THSD7B: variants seen among roughly 807,000 people sequenced by gnomAD.
THSD7B encodes the protein thrombospondin type 1 domain containing 7B, also known as thrombospondin type-1 domain-containing protein 7B.
Under a neutral mutation model 213.6 loss-of-function variants are expected in THSD7B, and 138 were observed. The observed-to-expected ratio is 0.65, with a 90% CI of 0.56 to 0.74. The LOEUF (loss-of-function observed/expected upper bound fraction) is 0.74. THSD7B is among the 30% of genes least tolerant of loss of function. The pLI, the probability that THSD7B is intolerant of heterozygous loss-of-function variation, is 0.00. For synonymous variants in THSD7B, 742 were observed against 687.0 expected, an observed-to-expected ratio of 1.08 and a Z score of -1.25; for missense variants, 1,931 against 1,991.5, an observed-to-expected ratio of 0.97 and a Z score of 0.58.
intron 7 of THSD7B, among the ~76,000 whole-genome samples, chr2:137,177,087 G>T (rs750126630): frequency 6.6e-6 from 1 of 152,190 alleles, no homozygotes; most frequent in Non-Finnish European, 1.5e-5. Flanking sequence ...AAGCAGAAAT[G>T]ATATACTATC....
Position 137,620,720 on chromosome 2 carries a change from C to A in THSD7B, c.3793C>A (p.His1265Asn). 1 of 1,612,852 alleles carries A rather than the reference C, an allele frequency of 6.2e-7. No homozygotes were observed. The highest frequency in any genetic ancestry group is 1.7e-4 in the Middle Eastern group (1 of 6,056). Residue 1265 changes from histidine to asparagine, a missense_variant, in exon 20 of 28, where the codon CAT becomes AAT. His to Asn is a moderately conservative substitution (Grantham distance 68). Transcript: ENST00000409968. Reference protein sequence around the residue: ...AWTECSQTCGHGGRMSRTRFI... With the variant: ...AWTECSQTCGNGGRMSRTRFI... ...GACAGAGTGTTCACAGACCTGTGGC[C>A]ATGGAGGTATTGGTTTCCCCATATT... is the stretch of plus-strand genomic sequence containing the variant.
At chr2:136,908,669 C>T (rs922249026) in intron 2 of THSD7B, among the ~76,000 whole-genome samples, 4 of 152,054 alleles carry the variant, frequency 2.6e-5, no homozygotes, top group Admixed American at 6.6e-5. Context: ...GAAAGATGGA[C>T]GTGATTTTGA....
chr2:137,536,074 C>G (rs565778473), intron 15 of THSD7B, among the ~76,000 whole-genome samples: 1 of 149,672 alleles, frequency 6.7e-6, no homozygotes, highest in South Asian at 2.1e-4. Context: ...CAAAACACGG[C>G]AGGGCCCTCT....
chr2:137,063,906 A>G (rs1687327404), intron 3 of THSD7B, among the ~76,000 whole-genome samples: 1 of 151,900 alleles, frequency 6.6e-6, no homozygotes, highest in African/African-American at 2.4e-5. Context: ...CATTTTCTTT[A>G]TTCATTTGTT....
chr2:136,956,744 A>G (rs987814473), intron 2 of THSD7B, among the ~76,000 whole-genome samples: 1 of 151,656 alleles, frequency 6.6e-6, no homozygotes, highest in East Asian at 1.9e-4. Flanking sequence ...CAGTTGCACA[A>G]TCTCAGGTCA....
Position 137,609,204 on chromosome 2 carries a change from C to A in THSD7B, c.3424-6971C>A, listed in dbSNP as rs779760264. On this transcript the variant is annotated intron_variant, in intron 17 of 27. Coordinates refer to ENST00000409968, the MANE Select transcript of THSD7B (RefSeq NM_001316349.2). The stretch of plus-strand genomic sequence containing the variant: ...TCTATTGTCGAGTATCTCTAAAGCC[C>A]ATGAGCCTATTAGGGGAAAGATAAA... Among the ~76,000 whole-genome samples the A allele has an allele frequency of 8.5e-5, 13 of 152,144 alleles. No individual in the cohort carries two copies. In the East Asian group the frequency reaches 2.3e-3, roughly 27 times the overall value.
At chr2:137,257,763 G>C (rs952057080) in intron 10 of THSD7B, among the ~76,000 whole-genome samples, 1 of 152,112 alleles carries the variant, frequency 6.6e-6, no homozygotes, top group Admixed American at 6.6e-5. Context: ...TATTTTATTG[G>C]ATTGCATTTC....
rs562002442 is a variant in THSD7B, at chr2:137,195,028, G to A, written c.1723+24090G>A. On this transcript the variant is annotated intron_variant, in intron 7 of 27. Coordinates refer to ENST00000409968, the MANE Select transcript of THSD7B (RefSeq NM_001316349.2). ...ACCTTTAGTGTTTCTCATCAAGAAA[G>A]ATGCTATCTTTAGGACTGGGGTAAA... is the stretch of plus-strand genomic sequence containing the variant. Among the ~76,000 whole-genome samples the A allele has an allele frequency of 1.5e-4, 23 of 152,172 alleles. No homozygotes were observed. The East Asian group carries it at 4.3e-3, about 28-fold the overall frequency.
chr2:137,487,108 C>A (rs947431184), intron 15 of THSD7B, among the ~76,000 whole-genome samples: 1 of 150,434 alleles, frequency 6.6e-6, no homozygotes, highest in African/African-American at 2.5e-5. Flanking sequence ...GTGGCTCACG[C>A]CTGTAATCCC....
intron 4 of THSD7B, among the ~76,000 whole-genome samples, chr2:137,114,566 A>C (rs1688411560): frequency 6.6e-6 from 1 of 152,250 alleles, no homozygotes; most frequent in African/African-American, 2.4e-5. Context: ...GTGGCACGGT[A>C]TTAACTCATT....
intron 7 of THSD7B, among the ~76,000 whole-genome samples, chr2:137,221,286 C>CA (rs58460594): frequency 0.041 from 6,231 of 151,052 alleles, 447 homozygotes; most frequent in African/African-American, 0.14. Flanking sequence ...GGCTCCGTCT[C>CA]AAAAAAAACA....
intron 12 of THSD7B, among the ~76,000 whole-genome samples, chr2:137,390,338 A>G (rs1685992333): frequency 6.6e-6 from 1 of 152,022 alleles, no homozygotes; most frequent in Non-Finnish European, 1.5e-5. Context: ...TGTTTCAGCT[A>G]GTTCATTATT....
intron 12 of THSD7B, among the ~76,000 whole-genome samples, chr2:137,362,896 T>A (rs891069555): frequency 1.3e-5 from 2 of 152,178 alleles, no homozygotes; most frequent in Non-Finnish European, 2.9e-5. Context: ...CTAATAGACA[T>A]CTACAGAACT....
chr2:136,785,682 G>T (rs1181126381), intron 1 of THSD7B, among the ~76,000 whole-genome samples: 1 of 152,192 alleles, frequency 6.6e-6, no homozygotes, highest in Non-Finnish European at 1.5e-5. Context: ...TTGAGGCAAT[G>T]AGCAACTCAT....
chr2:137,575,742 A>ATATATATATATATTTTTTTT (rs1235744133), intron 17 of THSD7B, among the ~76,000 whole-genome samples: 64 of 147,398 alleles, frequency 4.3e-4, no homozygotes, highest in African/African-American at 1.5e-3. Flanking sequence ...ATATATATAT[A>ATATATATATATATTTTTTTT]TTTTTACTTT....
intron 2 of THSD7B, among the ~76,000 whole-genome samples, chr2:136,911,965 C>G (rs1684266540): frequency 6.6e-6 from 1 of 151,978 alleles, no homozygotes; most frequent in Non-Finnish European, 1.5e-5. Flanking sequence ...CAGGTCTGTG[C>G]ATTACTGATG....
intron 7 of THSD7B, among the ~76,000 whole-genome samples, chr2:137,201,983 A>ATC (rs1680884548): frequency 6.6e-6 from 1 of 151,970 alleles, no homozygotes; most frequent in Non-Finnish European, 1.5e-5. Context: ...TTCCTTGTTA[A>ATC]TCTCTCAGGG....
rs576447938 is a variant in THSD7B, at chr2:137,377,309, G to T, written c.2501-28304G>T. Among the ~76,000 whole-genome samples the T allele has an allele frequency of 6.6e-5, 10 of 152,162 alleles. No individual in the cohort carries two copies. The South Asian group carries it at 1.7e-3, about 25-fold the overall frequency. Reference sequence around the variant, plus strand: ...AATGTCTATTTTGTCCTTAATGGAGGATAAAATTTAAAAACAAAATTTTGA... The same window carrying T: ...AATGTCTATTTTGTCCTTAATGGAGTATAAAATTTAAAAACAAAATTTTGA... On this transcript the variant is annotated intron_variant, in intron 12 of 27. Coordinates refer to ENST00000409968, the MANE Select transcript of THSD7B (RefSeq NM_001316349.2).
chr2:137,112,502 C>G (rs894992828), intron 4 of THSD7B, among the ~76,000 whole-genome samples: 1 of 152,136 alleles, frequency 6.6e-6, no homozygotes, highest in Non-Finnish European at 1.5e-5. Flanking sequence ...TCATTAAACT[C>G]TTGTTTTCAT....
Sources: allele counts gnomAD v4.1 joint callset (sites outside exome capture counted in the v4.1 genomes callset), GRCh38; gene constraint gnomAD v4.1.1; transcripts MANE v1.5; gene names NCBI Gene and HGNC (gene_info 2026-07-23, HGNC 2026-07-21).